Variants in LDLRAD3 observed in about 807,000 individuals in gnomAD.
The protein encoded by LDLRAD3 is low-density lipoprotein receptor class A domain-containing protein 3.
A neutral mutation model predicts 29.4 loss-of-function variants in LDLRAD3; 20 were observed. The observed-to-expected ratio is 0.68, with a 90% CI of 0.48 to 0.99. LDLRAD3 has a LOEUF of 0.99. Ranked by LOEUF, LDLRAD3 falls within the 50% of genes least tolerant of loss-of-function variation. The probability of loss-of-function intolerance (pLI) is 0.00; values close to 1 mark genes in which losing one functional copy is unlikely to be tolerated. For missense variants in LDLRAD3, 420 were observed against 454.3 expected, an observed-to-expected ratio of 0.92 and a Z score of 0.69; for synonymous variants, 157 against 192.7, an observed-to-expected ratio of 0.81 and a Z score of 1.53.
intron 1 of LDLRAD3, among the ~76,000 whole-genome samples, chr11:36,030,022 C>G (rs1852215918): frequency 1.3e-5 from 2 of 152,174 alleles, no homozygotes; most frequent in South Asian, 4.1e-4. Context: ...CATGTTATAC[C>G]TTCTCACCAA....
intron 4 of LDLRAD3, among the ~76,000 whole-genome samples, chr11:36,104,541 G>A (rs1372530864): frequency 1.3e-5 from 2 of 152,068 alleles, no homozygotes; most frequent in Non-Finnish European, 2.9e-5. Context: ...ACAGTGATCG[G>A]TGAAACCTTT....
chr11:35,993,275 A>G (rs1851711782), intron 1 of LDLRAD3, among the ~76,000 whole-genome samples: 1 of 152,214 alleles, frequency 6.6e-6, no homozygotes. Flanking sequence ...CTCCTTATAA[A>G]TACCTTCACC....
intron 4 of LDLRAD3, among the ~76,000 whole-genome samples, chr11:36,186,522 T>C (rs982821206): frequency 9.9e-5 from 15 of 152,170 alleles, no homozygotes; most frequent in African/African-American, 3.4e-4. Flanking sequence ...CCAGACTGAT[T>C]GCATGTGTGG....
At chr11:36,000,014 C>T (rs551483775) in intron 1 of LDLRAD3, among the ~76,000 whole-genome samples, 36 of 152,164 alleles carry the variant, frequency 2.4e-4, no homozygotes, top group African/African-American at 7.0e-4. Context: ...AAATAAATTA[C>T]GGTACTACTA....
intron 4 of LDLRAD3, among the ~76,000 whole-genome samples, chr11:36,160,551 G>A (rs902805594): frequency 6.6e-6 from 1 of 152,114 alleles, no homozygotes; most frequent in African/African-American, 2.4e-5. Flanking sequence ...GCTCTCAGGG[G>A]TCAGTTTTTT....
At chr11:36,094,833 G>A (rs1853335347) in intron 3 of LDLRAD3, among the ~76,000 whole-genome samples, 1 of 152,180 alleles carries the variant, frequency 6.6e-6, no homozygotes. Flanking sequence ...CACCATGTCT[G>A]GCCCATTTTA....
rs371021535 is a variant in LDLRAD3 at position 36,158,420 on chromosome 11, T to A, written c.454+59959T>A. ...GGTCCACCTTCAGCTCTTTATCAGG[T>A]GCCACCCTCTCAAGGAGAACCCCAT... On this transcript the variant is annotated intron_variant, in intron 4 of 5. Coordinates refer to ENST00000315571, the MANE Select transcript of LDLRAD3 (RefSeq NM_174902.4). Among the ~76,000 whole-genome samples the A allele has an allele frequency of 4.6e-5, 7 of 152,046 alleles. No individual in the cohort carries two copies. The South Asian group carries it at 6.3e-4, about 14-fold the overall frequency.
At chr11:36,033,035 C>T (rs1369396707) in intron 1 of LDLRAD3, among the ~76,000 whole-genome samples, 1 of 151,960 alleles carries the variant, frequency 6.6e-6, no homozygotes, top group East Asian at 1.9e-4. Context: ...CCACCACACC[C>T]GGCTAATTTT....
At chr11:36,193,963 G>C (rs1440593737) in intron 4 of LDLRAD3, among the ~76,000 whole-genome samples, 2 of 152,118 alleles carry the variant, frequency 1.3e-5, no homozygotes, top group Admixed American at 1.3e-4. Context: ...TGGGAATACT[G>C]TCATTATTCC....
intron 1 of LDLRAD3, among the ~76,000 whole-genome samples, chr11:36,016,010 C>G (rs1157738777): frequency 6.6e-6 from 1 of 152,198 alleles, no homozygotes; most frequent in Non-Finnish European, 1.5e-5. Flanking sequence ...AGTGTGAGCT[C>G]ACAGGGAGGG....
At chr11:36,032,368 G>A (rs1211428261) in intron 1 of LDLRAD3, among the ~76,000 whole-genome samples, 1 of 152,160 alleles carries the variant, frequency 6.6e-6, no homozygotes, top group African/African-American at 2.4e-5. Flanking sequence ...GCAGCAACTG[G>A]ACCATGCTGG....
In LDLRAD3 at chr11:36,220,283, A is replaced by T. The variant is rs146507741; in HGVS notation, c.455-6802A>T. On this transcript the variant is annotated intron_variant, in intron 4 of 5. Transcript: ENST00000315571. ...TATAGCAACTTTGGAGAACAGTGGG[A>T]CAATTTCTTCTAAAGTTAAACATAT... Among the ~76,000 whole-genome samples the T allele has an allele frequency of 2.0e-3, 309 of 152,322 alleles. 2 individuals carry two copies. Among genetic ancestry groups the T allele is most frequent in the Middle Eastern group, 6.8e-3 (2 of 294 alleles).
intron 4 of LDLRAD3, among the ~76,000 whole-genome samples, chr11:36,206,247 A>T (rs1193606224): frequency 6.6e-6 from 1 of 152,198 alleles, no homozygotes; most frequent in Admixed American, 6.5e-5. Context: ...TCCTGAACCC[A>T]TCATTTAAGG....
At chr11:36,015,306 T>TCCCCCCCCCCCCCC (rs11347924) in intron 1 of LDLRAD3, among the ~76,000 whole-genome samples, 6 of 87,720 alleles carry the variant, frequency 6.8e-5, no homozygotes, top group African/African-American at 1.8e-4. Context: ...GACATGCCAT[T>TCCCCCCCCCCCCCC]CCCCCCCCCC....
At chr11:35,982,824 G>A (rs1476438110) in intron 1 of LDLRAD3, among the ~76,000 whole-genome samples, 1 of 143,566 alleles carries the variant, frequency 7.0e-6, no homozygotes, top group East Asian at 2.0e-4. Flanking sequence ...CATTTCTTGT[G>A]TCTGTGTTTA....
chr11:36,165,212 G>A (rs567876568), intron 4 of LDLRAD3, among the ~76,000 whole-genome samples: 179 of 152,160 alleles, frequency 1.2e-3, no homozygotes, highest in African/African-American at 4.1e-3. Flanking sequence ...TAAACTCTTA[G>A]TAAGCATTCT....
intron 2 of LDLRAD3, among the ~76,000 whole-genome samples, chr11:36,043,180 CGGGAGCCTGTAATCCCAGCTACTT>C (rs1205414453): frequency 1.3e-5 from 2 of 152,096 alleles, no homozygotes; most frequent in Non-Finnish European, 1.5e-5. Flanking sequence ...GATGTGTTGG[CGGGAGCCTGTAATCCCAGCTACTT>C]GGGAGACTGA....
chr11:36,029,507 G>A (rs567885368), intron 1 of LDLRAD3, among the ~76,000 whole-genome samples: 10 of 152,184 alleles, frequency 6.6e-5, no homozygotes, highest in Admixed American at 2.6e-4. Flanking sequence ...CACAAAGGCC[G>A]TATCCCGATG....
intron 4 of LDLRAD3, among the ~76,000 whole-genome samples, chr11:36,106,779 A>G (rs974442196): frequency 6.6e-6 from 1 of 152,194 alleles, no homozygotes; most frequent in Non-Finnish European, 1.5e-5. Flanking sequence ...TCTGTGATAG[A>G]CTGGATTTTT....
Sources: allele counts gnomAD v4.1 joint callset (sites outside exome capture counted in the v4.1 genomes callset), GRCh38; gene constraint gnomAD v4.1.1; transcripts MANE v1.5; gene names NCBI Gene and HGNC (gene_info 2026-07-23, HGNC 2026-07-21).